The following FAM120C variants were observed in gnomAD, a reference collection of about 807,000 sequenced individuals.
The protein encoded by FAM120C is constitutive coactivator of PPAR-gamma-like protein 2.
A neutral mutation model predicts 71.2 loss-of-function variants in FAM120C; 14 were observed. The ratio of observed to expected loss-of-function variants is 0.20; its 90% CI spans 0.13 to 0.31. The LOEUF (loss-of-function observed/expected upper bound fraction) is 0.31. Ranked by LOEUF, FAM120C falls within the 10% of genes least tolerant of loss-of-function variation. The pLI, the probability that FAM120C is intolerant of heterozygous loss-of-function variation, is 1.00. For missense variants in FAM120C, 500 were observed against 879.0 expected, an observed-to-expected ratio of 0.57 and a Z score of 5.45; for synonymous variants, 354 against 353.2, an observed-to-expected ratio of 1.00 and a Z score of -0.03.
chrX:54,087,700 C>A, intron 12 of FAM120C, 55 bp downstream of exon 12: 1 of 1,098,218 alleles, frequency 9.1e-7, no homozygotes, highest in Non-Finnish European at 1.3e-6. Context: ...CCTCCCTGCC[C>A]ATTCACTCCC....
intron 1 of FAM120C, among the ~76,000 whole-genome samples, chrX:54,166,928 A>G (rs1264731764): frequency 9.0e-6 from 1 of 111,053 alleles, no homozygotes; most frequent in Non-Finnish European, 1.9e-5. Flanking sequence ...AAAAGATAAA[A>G]TTGCAGCTGA....
chrX:54,172,115 A>G (rs2067291793), intron 1 of FAM120C, among the ~76,000 whole-genome samples: 1 of 112,505 alleles, frequency 8.9e-6, no homozygotes, highest in African/African-American at 3.2e-5. Flanking sequence ...ACAACCATAC[A>G]TTTGTGAAGG....
At chrX:54,155,577 G>A (rs1407305015) in intron 3 of FAM120C, among the ~76,000 whole-genome samples, 1 of 111,829 alleles carries the variant, frequency 8.9e-6, no homozygotes, top group Non-Finnish European at 1.9e-5. Context: ...AGCAACTCAT[G>A]TGTAGACAAG....
intron 13 of FAM120C, among the ~76,000 whole-genome samples, chrX:54,084,120 C>A (rs1325567700): frequency 8.9e-6 from 1 of 111,990 alleles, no homozygotes; most frequent in Admixed American, 9.6e-5. Flanking sequence ...CCACCAGTAA[C>A]TGGAGACTAA....
intron 4 of FAM120C, among the ~76,000 whole-genome samples, chrX:54,145,385 C>A (rs1475502176): frequency 1.8e-5 from 2 of 111,550 alleles, no homozygotes; most frequent in Non-Finnish European, 3.8e-5. Flanking sequence ...AGGCAACCTA[C>A]AGAATGGGAG....
Position 54,182,876 on chromosome X carries a change from G to GGCGGCGGCA in FAM120C, c.314_322dup (p.Leu105_Pro107dup), listed in dbSNP as rs2067359456. ...GGCCCCGGGCAGCTGAGGGGGCGGCGGCGGCGGCAGCGGAGGGTGCAGCCC... is the reference window on the plus strand; with the variant it reads ...GGCCCCGGGCAGCTGAGGGGGCGGCGGCGGCGGCAGCGGCGGCAGCGGAGGGTGCAGCCC... On this transcript the variant is annotated inframe_insertion, in exon 1 of 16. Transcript: ENST00000375180. 5.3e-6 allele frequency: 6 copies of GGCGGCGGCA among 1,136,873 alleles called. 1 individual carries two copies. In the East Asian group the frequency reaches 1.3e-4, roughly 25 times the overall value. The allele number at this position is 1,136,873 out of a possible 1,213,427, so 93.7% of individuals were successfully genotyped here.
intron 4 of FAM120C, among the ~76,000 whole-genome samples, chrX:54,137,866 G>A (rs1174756191): frequency 9.0e-6 from 1 of 111,677 alleles, no homozygotes; most frequent in Non-Finnish European, 1.9e-5. Flanking sequence ...CATTGGTACA[G>A]TTTGGAAAAC....
chrX:54,128,267 C>T (rs782243314), intron 9 of FAM120C, among the ~76,000 whole-genome samples: 1 of 111,531 alleles, frequency 9.0e-6, no homozygotes, highest in East Asian at 2.8e-4. Flanking sequence ...TCATGTTGGC[C>T]AGGCTGGTTT....
chrX:54,135,028 A>G lies in FAM120C; in HGVS notation c.1419T>C (p.His473=). The change falls in exon 7 of 16, where the codon CAT becomes CAC. Residue 473 remains histidine, a synonymous_variant. Transcript: ENST00000375180. ...AAAAAGCATGGGATTCCCCCAAAGC[A>G]TGGGAGGAGAAGAGAAGAGATGAGT... ...GPNSSLLFSS[H]ALGESHAFSE... is the part of the protein sequence containing the mutation. The G allele has an allele frequency of 8.3e-7, 1 of 1,211,611 alleles. No individual in the cohort carries two copies. Among genetic ancestry groups the G allele is most frequent in the Non-Finnish European group, 1.1e-6 (1 of 895,153 alleles).
intron 4 of FAM120C, among the ~76,000 whole-genome samples, chrX:54,143,108 C>T (rs1311020713): frequency 2.7e-5 from 3 of 111,349 alleles, no homozygotes; most frequent in Non-Finnish European, 5.7e-5. Flanking sequence ...CATCAAAGAC[C>T]AAAGGTAGAT....
At chrX:54,126,556 A>G (rs1557127986) in intron 9 of FAM120C, among the ~76,000 whole-genome samples, 1 of 112,254 alleles carries the variant, frequency 8.9e-6, no homozygotes. Flanking sequence ...GCAAGGAATG[A>G]CTGTATGTTA....
chrX:54,134,716 A>G, intron 7 of FAM120C, 115 bp downstream of exon 7: 4 of 815,131 alleles, frequency 4.9e-6, no homozygotes, highest in Non-Finnish European at 6.8e-6. Context: ...TAAGAGCAAA[A>G]CACTACAGAG....
At position 54,159,474 on chromosome X, in the gene FAM120C, C is replaced by T; in HGVS notation, c.842G>A (p.Ser281Asn). The T allele has an allele frequency of 8.3e-7, 1 of 1,211,357 alleles. No homozygotes were observed. The highest frequency in any genetic ancestry group is 1.1e-6 in the Non-Finnish European group (1 of 895,419). ...SYYSSHALKL[S>N]WNGKNLTTNQ... ...GGTAGTGAGGTTCTTCCCATTCCAG[C>T]TCAGTTTCAGAGCATGGGAACTGTA... is the stretch of plus-strand genomic sequence containing the variant. The change falls in exon 2 of 16, where the codon AGC becomes AAC. Residue 281 changes from serine to asparagine, a missense_variant. Coordinates refer to ENST00000375180, the MANE Select transcript of FAM120C (RefSeq NM_017848.6).
intron 9 of FAM120C, among the ~76,000 whole-genome samples, chrX:54,127,424 T>C (rs1312510888): frequency 1.9e-5 from 2 of 107,653 alleles, no homozygotes; most frequent in Non-Finnish European, 3.8e-5. Context: ...ACCCTGTCTC[T>C]ACTAAAAGTA....
intron 1 of FAM120C, among the ~76,000 whole-genome samples, chrX:54,175,015 CT>C (rs1179390300): frequency 1.8e-5 from 2 of 111,185 alleles, no homozygotes; most frequent in Non-Finnish European, 3.8e-5. Context: ...TACTTGTCTC[CT>C]CTACTAGATA....
intron 15 of FAM120C, among the ~76,000 whole-genome samples, chrX:54,075,072 C>G (rs1286964910): frequency 9.0e-6 from 1 of 111,313 alleles, no homozygotes; most frequent in Non-Finnish European, 1.9e-5. Context: ...GTGGGAGGAT[C>G]GCTAAAGCTT....
chrX:54,085,821 A>G lies in FAM120C; in HGVS notation c.2733T>C (p.Pro911=). 1 of 1,211,435 alleles carries G rather than the reference A, an allele frequency of 8.3e-7. No homozygotes were observed. Among genetic ancestry groups the G allele is most frequent in the Non-Finnish European group, 1.1e-6 (1 of 895,169 alleles). ...AGGGCACCATGGGAGGCACAAAAGT[A>G]GGTGACGGAAGTAGAGCAGAAGGCG... is the stretch of plus-strand genomic sequence containing the variant. ...HPPPSALLPS[P]TFVPPMVPSL... is the part of the protein sequence containing the mutation. Residue 911 remains proline (P), a synonymous_variant, in exon 13 of 16, where the codon CCT becomes CCC. Transcript: ENST00000375180.
At chrX:54,111,856 G>A (rs1304190928) in intron 10 of FAM120C, among the ~76,000 whole-genome samples, 3 of 111,716 alleles carry the variant, frequency 2.7e-5, no homozygotes, top group Non-Finnish European at 5.6e-5. Flanking sequence ...GAACAAAGCC[G>A]GAGGCGTCAC....
intron 15 of FAM120C, among the ~76,000 whole-genome samples, chrX:54,077,939 CTTTTTTT>C (rs1194855968): frequency 1.8e-5 from 1 of 55,312 alleles, no homozygotes; most frequent in South Asian, 2.6e-3. Context: ...AAGATCTACT[CTTTTTTT>C]TTTTTTTTTT....
Sources: gnomAD v4.1 joint callset for allele counts (sites outside exome capture counted in the v4.1 genomes callset) on GRCh38, gnomAD v4.1.1 for gene constraint, MANE v1.5 for transcripts, NCBI Gene and HGNC (gene_info 2026-07-23, HGNC 2026-07-21) for gene names.